CDH5: variants seen among roughly 807,000 people sequenced by gnomAD.
CDH5 encodes the protein cadherin 5, also known as cadherin-5.
In CDH5, 28 loss-of-function variants were observed where a neutral mutation model predicts 62.0. The observed-to-expected ratio is 0.45, with a 90% CI of 0.33 to 0.62. The LOEUF (loss-of-function observed/expected upper bound fraction) is 0.62, where lower values mean the gene tolerates loss of function less well. Among genes scored for constraint, CDH5 ranks in the 20% least tolerant of loss-of-function variants. The pLI, the probability that CDH5 is intolerant of heterozygous loss-of-function variation, is 0.02. For synonymous variants in CDH5, 464 were observed against 445.8 expected (o/e 1.04, Z -0.52); for missense variants, 940 against 1,065.1 (o/e 0.88, Z 1.63).
At chr16:66,367,197 C>A (rs1288714170) in intron 1 of CDH5, among the ~76,000 whole-genome samples, 1 of 152,234 alleles carries the variant, frequency 6.6e-6, no homozygotes, top group Non-Finnish European at 1.5e-5. Context: ...CTCCTCAGCC[C>A]CCTACCCATA....
Position 66,403,063 on chromosome 16 carries a change from C to T in CDH5, c.2249C>T (p.Ser750Leu). 1 of 1,613,694 alleles carries T rather than the reference C, an allele frequency of 6.2e-7. No homozygotes were observed. Among genetic ancestry groups the T allele is most frequent in the Non-Finnish European group, 8.5e-7 (1 of 1,179,876 alleles). Residue 750 changes from serine to leucine, a missense_variant, in exon 12 of 12, where the codon TCA becomes TTA. Ser to Leu is a moderately radical substitution (Grantham distance 145, BLOSUM62 -2). Coordinates refer to ENST00000341529, the MANE Select transcript of CDH5 (RefSeq NM_001795.5). This position sits in a 1 kb window ranked among gnomAD's most constrained non-coding sequence, Gnocchi z 4.3. ...AESLSSLGTD[S>L]SDSDVDYDFL... ...TCCCTCAGCTCCCTGGGCACCGACTCATCCGACTCTGACGTGGATTACGAC... is the reference window on the plus strand; with the variant it reads ...TCCCTCAGCTCCCTGGGCACCGACTTATCCGACTCTGACGTGGATTACGAC...
chr16:66,397,950 G>A (rs1362876917), intron 8 of CDH5, 32 bp from the exon 9 acceptor site: 4 of 1,613,912 alleles, frequency 2.5e-6, no homozygotes, highest in East Asian at 4.5e-5. Flanking sequence ...CATCAGCTGA[G>A]CCCATAATGG....
In CDH5 at chr16:66,398,031, G is replaced by T; in HGVS notation, c.1410G>T (p.Leu470Phe). Reference sequence around the variant, plus strand: ...TTGTGCAAGTCCACATTGAAGTTTTGGATGAGAATGACAATGCCCCGGAGT... The same window carrying T: ...TTGTGCAAGTCCACATTGAAGTTTTTGATGAGAATGACAATGCCCCGGAGT... ...ESIVQVHIEV[L>F]DENDNAPEFA... Residue 470 changes from leucine to phenylalanine, a missense_variant, in exon 9 of 12, where the codon TTG becomes TTT. Leu to Phe is a conservative substitution (Grantham distance 22). Coordinates refer to ENST00000341529, the MANE Select transcript of CDH5 (RefSeq NM_001795.5). 2 of 1,614,184 alleles carry T rather than the reference G, an allele frequency of 1.2e-6. No homozygotes were observed. Among genetic ancestry groups the T allele is most frequent in the Non-Finnish European group, 1.7e-6 (2 of 1,180,020 alleles).
At chr16:66,368,421 G>C (rs547129769) in intron 1 of CDH5, among the ~76,000 whole-genome samples, 1 of 152,322 alleles carries the variant, frequency 6.6e-6, no homozygotes, top group South Asian at 2.1e-4. Context: ...TAAGCTGCCC[G>C]CCTGCAGCCT....
intron 1 of CDH5, among the ~76,000 whole-genome samples, chr16:66,374,679 A>G (rs74861963): frequency 0.04 from 6,021 of 149,424 alleles, 384 homozygotes; most frequent in African/African-American, 0.14. Context: ...TGGTGTAGGT[A>G]CAGCCGTGCA....
intron 1 of CDH5, among the ~76,000 whole-genome samples, chr16:66,371,647 C>A (rs1800555706): frequency 6.6e-6 from 1 of 152,136 alleles, no homozygotes; most frequent in Non-Finnish European, 1.5e-5. Context: ...CCTTCCTCTG[C>A]CCCACCCCTG....
At chr16:66,402,474 G>A (rs1216774243) in intron 11 of CDH5, among the ~76,000 whole-genome samples, 178 bp from the exon 12 acceptor site, 1 of 121,740 alleles carries the variant, frequency 8.2e-6, no homozygotes. Flanking sequence ...GGCGGGGATG[G>A]GGTTGCAGGG....
At chr16:66,375,920 A>T (rs1960777844) in intron 1 of CDH5, among the ~76,000 whole-genome samples, 2 of 151,938 alleles carry the variant, frequency 1.3e-5, no homozygotes, top group Admixed American at 1.3e-4. Context: ...CAACCTGGCC[A>T]ACAAGGTGAA....
At position 66,404,661 on chromosome 16, in the gene CDH5, C is replaced by A. The variant is rs1961356909; in HGVS notation, c.*1492C>A. On this transcript the variant is annotated 3_prime_UTR_variant, in exon 12 of 12. Transcript: ENST00000341529. Reference sequence around the variant, plus strand: ...TTAGTTGGAAAAACAATTCCTGTAACCTTCTATTTTCTATAATTGTAGTAA... The same window carrying A: ...TTAGTTGGAAAAACAATTCCTGTAAACTTCTATTTTCTATAATTGTAGTAA... 1.3e-5 allele frequency: 2 copies of A among 152,524 alleles called. No individual in the cohort carries two copies. The allele number at this position is 152,524 out of a possible 1,614,324, so 9.4% of individuals were successfully genotyped here.
At chr16:66,369,605 A>G (rs1370708522) in intron 1 of CDH5, among the ~76,000 whole-genome samples, 1 of 152,196 alleles carries the variant, frequency 6.6e-6, no homozygotes, top group Non-Finnish European at 1.5e-5. Context: ...AGACAAAGTC[A>G]GGAAGCCCAG....
chr16:66,376,146 A>G (rs895370102), intron 1 of CDH5, among the ~76,000 whole-genome samples: 3 of 151,936 alleles, frequency 2.0e-5, no homozygotes, highest in Admixed American at 2.0e-4. Context: ...ATAAAACACA[A>G]TTACTTTTGC....
intron 7 of CDH5, chr16:66,392,783 C>T: frequency 5.1e-6 from 1 of 194,546 alleles, no homozygotes; most frequent in Non-Finnish European, 1.1e-5. Context: ...AAGAAGTGTT[C>T]ATTTTATACA....
chr16:66,370,578 TC>T (rs1960669136), intron 1 of CDH5, among the ~76,000 whole-genome samples: 1 of 152,168 alleles, frequency 6.6e-6, no homozygotes, highest in African/African-American at 2.4e-5. Context: ...AGGCAGCACG[TC>T]CAGGTCTAGG....
chr16:66,394,875 G>C (rs1489529359), intron 7 of CDH5, among the ~76,000 whole-genome samples: 2 of 150,066 alleles, frequency 1.3e-5, no homozygotes, highest in Admixed American at 6.7e-5. Context: ...GGGGGGGACA[G>C]GTTCTTCCTC....
At chr16:66,391,413 AG>A (rs1056277548) in intron 6 of CDH5, among the ~76,000 whole-genome samples, 4 of 151,978 alleles carry the variant, frequency 2.6e-5, no homozygotes, top group Admixed American at 2.6e-4. Context: ...TGGCTTCCTG[AG>A]GGATGAGTAG....
chr16:66,401,123 C>T, intron 11 of CDH5, 107 bp downstream of exon 11: 1 of 1,426,518 alleles, frequency 7.0e-7, no homozygotes, highest in Non-Finnish European at 9.7e-7. Context: ...AGGTTCAGGC[C>T]CAACCCTGCC....
intron 1 of CDH5, among the ~76,000 whole-genome samples, chr16:66,378,622 C>T (rs900222793): frequency 2.0e-5 from 3 of 152,206 alleles, no homozygotes; most frequent in Non-Finnish European, 2.9e-5. Context: ...AACCTGAGCA[C>T]CCAATGCCTG....
intron 11 of CDH5, among the ~76,000 whole-genome samples, chr16:66,402,355 G>A (rs1241240967): frequency 1.4e-5 from 2 of 147,938 alleles, no homozygotes; most frequent in Non-Finnish European, 3.0e-5. Flanking sequence ...GGGTGTGGGG[G>A]AACGGCAGCG....
intron 7 of CDH5, chr16:66,395,735 A>G (rs1961173681): frequency 4.9e-6 from 1 of 202,434 alleles, no homozygotes; most frequent in African/African-American, 2.3e-5. Flanking sequence ...GCTCTTGCCC[A>G]ATGATCTTTT....
Sources: gnomAD v4.1 joint callset for allele counts (sites outside exome capture counted in the v4.1 genomes callset) on GRCh38, gnomAD v4.1.1 for gene constraint, Gnocchi (gnomAD v3.1) non-coding constraint, MANE v1.5 for transcripts, NCBI Gene and HGNC (gene_info 2026-07-23, HGNC 2026-07-21) for gene names.